Variants in THRB observed in about 807,000 individuals in gnomAD.
THRB encodes the protein thyroid hormone receptor beta.
Under a neutral mutation model 47.8 loss-of-function variants are expected in THRB, and 12 were observed. The observed-to-expected ratio is 0.25, with a 90% CI of 0.16 to 0.41. THRB has a LOEUF of 0.41. Ranked by LOEUF, THRB falls within the 10% of genes least tolerant of loss-of-function variation. The pLI, the probability that THRB is intolerant of heterozygous loss-of-function variation, is 1.00. For synonymous variants in THRB, 218 were observed against 212.2 expected, an observed-to-expected ratio of 1.03 and a Z score of -0.24; for missense variants, 348 against 589.2, an observed-to-expected ratio of 0.59 and a Z score of 4.24.
chr3:24,313,273 T>C (rs1461355111), intron 2 of THRB, among the ~76,000 whole-genome samples: 1 of 152,162 alleles, frequency 6.6e-6, no homozygotes, highest in African/African-American at 2.4e-5. Flanking sequence ...ACCACTCATC[T>C]TTTCAGGAGT....
intron 1 of THRB, among the ~76,000 whole-genome samples, chr3:24,340,185 A>G (rs1376830584): frequency 6.6e-6 from 1 of 152,224 alleles, no homozygotes; most frequent in African/African-American, 2.4e-5. Context: ...TTTGACAGTA[A>G]CTTTGTATGA....
chr3:24,239,002 C>T (rs984010472), intron 3 of THRB, among the ~76,000 whole-genome samples: 3 of 150,870 alleles, frequency 2.0e-5, no homozygotes, highest in Admixed American at 6.6e-5. Flanking sequence ...AGTGCAGTGG[C>T]ATGATCTCAG....
At chr3:24,444,343 A>G (rs192457045) in intron 1 of THRB, among the ~76,000 whole-genome samples, 227 of 152,318 alleles carry the variant, frequency 1.5e-3, no homozygotes, top group Middle Eastern at 6.8e-3. Flanking sequence ...ACAAAATACT[A>G]AAAGCAATAG....
At chr3:24,328,951 T>C (rs1324795136) in intron 2 of THRB, among the ~76,000 whole-genome samples, 1 of 152,144 alleles carries the variant, frequency 6.6e-6, no homozygotes, top group Non-Finnish European at 1.5e-5. Flanking sequence ...GTTTCTTCTT[T>C]TTTTTTTCTT....
intron 1 of THRB, among the ~76,000 whole-genome samples, chr3:24,444,450 A>C (rs576278923): frequency 4.6e-5 from 7 of 152,340 alleles, no homozygotes; most frequent in African/African-American, 1.4e-4. Context: ...AATAACCTTA[A>C]AAAGAATGCA....
At chr3:24,221,155 T>C (rs533681463) in intron 4 of THRB, among the ~76,000 whole-genome samples, 42 of 152,322 alleles carry the variant, frequency 2.8e-4, no homozygotes, top group Admixed American at 2.0e-3. Context: ...CCTGGGACTT[T>C]TCAGATGGCA....
chr3:24,378,561 A>G (rs1333936713), intron 1 of THRB, among the ~76,000 whole-genome samples: 1 of 152,122 alleles, frequency 6.6e-6, no homozygotes, highest in East Asian at 1.9e-4. Flanking sequence ...CTATAAAAAC[A>G]CTGTTATCTG....
intron 1 of THRB, among the ~76,000 whole-genome samples, chr3:24,429,588 A>T (rs1161029649): frequency 6.6e-6 from 1 of 152,108 alleles, no homozygotes; most frequent in African/African-American, 2.4e-5. Context: ...TTATCATCAC[A>T]ATTGAATGGT....
At chr3:24,339,945 T>C (rs1356846804) in intron 1 of THRB, among the ~76,000 whole-genome samples, 1 of 152,238 alleles carries the variant, frequency 6.6e-6, no homozygotes, top group Admixed American at 6.5e-5. Context: ...GGTTATTTTG[T>C]AGTTTCAAAG....
chr3:24,178,356 G>A (rs758298741), intron 5 of THRB, among the ~76,000 whole-genome samples: 17 of 152,044 alleles, frequency 1.1e-4, no homozygotes, highest in East Asian at 1.9e-4. Context: ...GGCTGGGTGC[G>A]GTGGCTCATG....
chr3:24,395,897 GT>G (rs1294047433), intron 1 of THRB, among the ~76,000 whole-genome samples: 21 of 152,212 alleles, frequency 1.4e-4, no homozygotes, highest in African/African-American at 5.1e-4. Flanking sequence ...TAAACAAAAT[GT>G]AGAATTATAT....
intron 8 of THRB, among the ~76,000 whole-genome samples, chr3:24,136,143 T>G (rs540335196): frequency 1.3e-5 from 2 of 152,130 alleles, no homozygotes; most frequent in East Asian, 3.9e-4. Context: ...AGAGAAAGTA[T>G]GCAAGGAAAT....
intron 1 of THRB, among the ~76,000 whole-genome samples, chr3:24,341,123 A>G (rs1414727240): frequency 7.3e-6 from 1 of 136,826 alleles, no homozygotes; most frequent in South Asian, 2.3e-4. Flanking sequence ...GTCAATATCT[A>G]TTTTTTTTTT....
chr3:24,376,958 G>A (rs1577187962), intron 1 of THRB, among the ~76,000 whole-genome samples: 1 of 151,810 alleles, frequency 6.6e-6, no homozygotes, highest in South Asian at 2.1e-4. Context: ...TTCTTTTTGA[G>A]ACAGGGTCTC....
intron 1 of THRB, among the ~76,000 whole-genome samples, chr3:24,473,363 A>C (rs1387759326): frequency 6.6e-6 from 1 of 152,156 alleles, no homozygotes; most frequent in East Asian, 1.9e-4. Context: ...GCTTTTTTTC[A>C]TATGCTTGTT....
chr3:24,328,707 T>C (rs2061735576), intron 2 of THRB, among the ~76,000 whole-genome samples: 1 of 152,222 alleles, frequency 6.6e-6, no homozygotes, highest in Non-Finnish European at 1.5e-5. Flanking sequence ...ATTTTATACT[T>C]AGGCTAATGA....
At chr3:24,407,320 G>T (rs186629259) in intron 1 of THRB, among the ~76,000 whole-genome samples, 408 of 148,318 alleles carry the variant, frequency 2.8e-3, no homozygotes, top group Admixed American at 6.0e-3. Flanking sequence ...GGTTGTGGGA[G>T]GTGCCTAGAT....
At chr3:24,367,840 A>C (rs2064591658) in intron 1 of THRB, among the ~76,000 whole-genome samples, 1 of 152,194 alleles carries the variant, frequency 6.6e-6, no homozygotes, top group Non-Finnish European at 1.5e-5. Flanking sequence ...GTAAGTGGTG[A>C]GAAATGCATA....
intron 8 of THRB, among the ~76,000 whole-genome samples, chr3:24,136,216 A>G (rs1406577340): frequency 1.3e-5 from 2 of 152,242 alleles, no homozygotes; most frequent in Non-Finnish European, 2.9e-5. Context: ...TCTGATGGAA[A>G]TATATATCAA....
Sources: allele counts gnomAD v4.1 joint callset (sites outside exome capture counted in the v4.1 genomes callset), GRCh38; gene constraint gnomAD v4.1.1; transcripts MANE v1.5; gene names NCBI Gene and HGNC (gene_info 2026-07-23, HGNC 2026-07-21).